SMYD3: variants seen among roughly 807,000 people sequenced by gnomAD.
The protein encoded by SMYD3 is histone-lysine N-methyltransferase SMYD3.
A neutral mutation model predicts 57.7 loss-of-function variants in SMYD3; 36 were observed. The ratio of observed to expected loss-of-function variants is 0.62; its 90% CI spans 0.48 to 0.82. The LOEUF (loss-of-function observed/expected upper bound fraction) is 0.82. Ranked by LOEUF, SMYD3 falls within the 40% of genes least tolerant of loss-of-function variation. SMYD3 has a pLI of 0.00. For synonymous variants in SMYD3, 211 were observed against 195.0 expected, an observed-to-expected ratio of 1.08 and a Z score of -0.68; for missense variants, 515 against 538.8, an observed-to-expected ratio of 0.96 and a Z score of 0.44.
chr1:245,824,804 C>T (rs1433430978), intron 10 of SMYD3, among the ~76,000 whole-genome samples: 4 of 148,872 alleles, frequency 2.7e-5, no homozygotes, highest in African/African-American at 4.9e-5. Flanking sequence ...TGCAGTGGGC[C>T]GAGATCGCAC....
At chr1:246,228,943 T>A (rs1186081642) in intron 5 of SMYD3, among the ~76,000 whole-genome samples, 3 of 152,116 alleles carry the variant, frequency 2.0e-5, no homozygotes, top group South Asian at 4.1e-4. Flanking sequence ...ATAGATAAAG[T>A]GGAATTTTTG....
chr1:246,060,274 C>T (rs1015984622), intron 5 of SMYD3, among the ~76,000 whole-genome samples: 3 of 150,976 alleles, frequency 2.0e-5, no homozygotes, highest in African/African-American at 2.4e-5. Context: ...GGCAACAGAG[C>T]GAGACTGTCT....
chr1:246,173,641 C>T (rs1572154725), intron 5 of SMYD3, among the ~76,000 whole-genome samples: 1 of 152,126 alleles, frequency 6.6e-6, no homozygotes, highest in South Asian at 2.1e-4. Context: ...TCTATGCCTA[C>T]ACAGGGTCGG....
At chr1:245,789,217 A>G (rs1490715960) in intron 10 of SMYD3, among the ~76,000 whole-genome samples, 1 of 152,180 alleles carries the variant, frequency 6.6e-6, no homozygotes, top group African/African-American at 2.4e-5. Flanking sequence ...ATTATGATGT[A>G]AGTCCTTTCA....
chr1:245,875,332 G>A (rs2052427798), intron 8 of SMYD3, among the ~76,000 whole-genome samples: 1 of 152,318 alleles, frequency 6.6e-6, no homozygotes, highest in African/African-American at 2.4e-5. Context: ...CTACTGCACA[G>A]GAAGGAAAGG....
chr1:246,257,095 G>A (rs1382892088), intron 5 of SMYD3, among the ~76,000 whole-genome samples: 1 of 152,170 alleles, frequency 6.6e-6, no homozygotes, highest in Non-Finnish European at 1.5e-5. Context: ...GGTCAATCCT[G>A]GAGTATGTTC....
intron 5 of SMYD3, among the ~76,000 whole-genome samples, chr1:246,321,265 A>G (rs1301742173): frequency 6.6e-6 from 1 of 152,224 alleles, no homozygotes. Context: ...TTAAAACACC[A>G]AAGTTCTATA....
intron 1 of SMYD3, among the ~76,000 whole-genome samples, chr1:246,470,447 A>G (rs1269814520): frequency 6.6e-6 from 1 of 151,532 alleles, no homozygotes; most frequent in Non-Finnish European, 1.5e-5. Context: ...AGTGCCCAAG[A>G]TCACACCACT....
At chr1:246,456,644 A>G (rs1031738674) in intron 1 of SMYD3, among the ~76,000 whole-genome samples, 5 of 152,228 alleles carry the variant, frequency 3.3e-5, no homozygotes, top group African/African-American at 9.6e-5. Context: ...ATTATAACTT[A>G]TATTTTCCCC....
chr1:246,238,710 T>G (rs578064455), intron 5 of SMYD3, among the ~76,000 whole-genome samples: 14 of 152,302 alleles, frequency 9.2e-5, no homozygotes, highest in African/African-American at 2.4e-4. Flanking sequence ...CTTTCTTGGA[T>G]TCTTCTACCA....
At chr1:245,818,022 A>C (rs1452336946) in intron 10 of SMYD3, among the ~76,000 whole-genome samples, 1 of 152,090 alleles carries the variant, frequency 6.6e-6, no homozygotes, top group South Asian at 2.1e-4. Flanking sequence ...GCAGGCCAAC[A>C]TTCAGATTCA....
intron 8 of SMYD3, among the ~76,000 whole-genome samples, chr1:245,888,748 C>T (rs1342127305): frequency 6.6e-6 from 1 of 152,198 alleles, no homozygotes; most frequent in Non-Finnish European, 1.5e-5. Flanking sequence ...GGTATGCAAT[C>T]AATAACATGC....
chr1:246,106,630 G>A (rs776857304), intron 5 of SMYD3, among the ~76,000 whole-genome samples: 6 of 152,154 alleles, frequency 3.9e-5, no homozygotes, highest in African/African-American at 1.2e-4. Context: ...TAGGATTTCC[G>A]TGGTTATGAA....
At chr1:245,866,361 C>G (rs2051843978) in intron 8 of SMYD3, among the ~76,000 whole-genome samples, 1 of 131,812 alleles carries the variant, frequency 7.6e-6, no homozygotes, top group African/African-American at 2.8e-5. Flanking sequence ...ACCATAGGTG[C>G]ACTTTTTTTT....
intron 1 of SMYD3, among the ~76,000 whole-genome samples, chr1:246,487,695 C>G (rs1466746320): frequency 7.2e-6 from 1 of 138,950 alleles, no homozygotes; most frequent in Non-Finnish European, 1.6e-5. Context: ...CCACTCAGAT[C>G]TTTTTTTTTT....
chr1:245,873,020 A>C (rs1377584155), intron 8 of SMYD3, among the ~76,000 whole-genome samples: 2 of 152,024 alleles, frequency 1.3e-5, no homozygotes, highest in African/African-American at 4.8e-5. Context: ...TATAAAATCA[A>C]GTCAACCTGG....
At chr1:245,814,206 G>C (rs12063477) in intron 10 of SMYD3, 5 of 196,494 alleles carry the variant, frequency 2.5e-5, no homozygotes, top group Non-Finnish European at 4.6e-5. Flanking sequence ...GTGAACTGCA[G>C]TTCTGAGGAC....
intron 1 of SMYD3, chr1:246,417,428 C>G (rs2067080357): frequency 6.6e-6 from 1 of 152,122 alleles, no homozygotes. Context: ...AAGCTTGGAG[C>G]CCAGGGTTTT....
chr1:246,221,234 T>C (rs542453486), intron 5 of SMYD3, among the ~76,000 whole-genome samples: 11 of 152,272 alleles, frequency 7.2e-5, no homozygotes, highest in South Asian at 2.1e-4. Flanking sequence ...TGAACGCTCA[T>C]TGGGACATCC....
Sources: allele counts gnomAD v4.1 joint callset (sites outside exome capture counted in the v4.1 genomes callset), GRCh38; gene constraint gnomAD v4.1.1; transcripts MANE v1.5; gene names NCBI Gene and HGNC (gene_info 2026-07-23, HGNC 2026-07-21).